MAF: variants seen among roughly 807,000 people sequenced by gnomAD.
MAF encodes the protein MAF bZIP transcription factor.
A neutral mutation model predicts 22.0 loss-of-function variants in MAF; 10 were observed. That is an observed-to-expected ratio of 0.45 (90% CI 0.28 to 0.77). The LOEUF (loss-of-function observed/expected upper bound fraction) is 0.77, where lower values mean the gene tolerates loss of function less well. Ranked by LOEUF, MAF falls within the 30% of genes least tolerant of loss-of-function variation. MAF has a pLI of 0.12. For synonymous variants in MAF, 337 were observed against 255.8 expected, an observed-to-expected ratio of 1.32 and a Z score of -3.03; for missense variants, 544 against 548.4, an observed-to-expected ratio of 0.99 and a Z score of 0.08.
chr16:79,564,602 C>T, the MAF span, among the ~76,000 whole-genome samples: 1 of 152,196 alleles, frequency 6.6e-6, no homozygotes, highest in East Asian at 1.9e-4. Flanking sequence ...CATGTGACAA[C>T]TCTCGGGGCA....
chr16:79,302,653 C>T, the MAF span, among the ~76,000 whole-genome samples: 2 of 152,228 alleles, frequency 1.3e-5, no homozygotes, highest in African/African-American at 2.4e-5. Context: ...ATGTTTTCAG[C>T]TGTAAACAGC....
chr16:79,502,254 T>C, the MAF span, among the ~76,000 whole-genome samples: 4 of 152,186 alleles, frequency 2.6e-5, no homozygotes, highest in Non-Finnish European at 5.9e-5. Context: ...ACAAGCCTGC[T>C]GGCCTCAGGT....
At chr16:79,212,890 C>G in the MAF span, 1 of 147,430 alleles carries the variant, frequency 6.8e-6, no homozygotes, top group Non-Finnish European at 1.5e-5. Context: ...GATTAGCATG[C>G]CAGCATATTT....
chr16:79,542,541 G>A, the MAF span, among the ~76,000 whole-genome samples: 2 of 152,152 alleles, frequency 1.3e-5, no homozygotes, highest in Non-Finnish European at 2.9e-5. Context: ...ATAACAAAAG[G>A]AAGCAGGGAA....
chr16:79,564,056 T>C, the MAF span, among the ~76,000 whole-genome samples: 2 of 152,226 alleles, frequency 1.3e-5, no homozygotes, highest in Non-Finnish European at 2.9e-5. Flanking sequence ...GTGGGATGCA[T>C]TTCAAGTGGA....
chr16:79,325,136 T>A, the MAF span, among the ~76,000 whole-genome samples: 1 of 152,168 alleles, frequency 6.6e-6, no homozygotes, highest in Non-Finnish European at 1.5e-5. Flanking sequence ...CCAAGACTCT[T>A]TTTACAAATA....
the MAF span, among the ~76,000 whole-genome samples, chr16:79,428,400 T>A: frequency 3.3e-5 from 5 of 152,194 alleles, no homozygotes; most frequent in Non-Finnish European, 5.9e-5. Context: ...AACACCCAGC[T>A]GTGTCAAGGA....
chr16:79,354,037 C>G, the MAF span, among the ~76,000 whole-genome samples: 1 of 151,950 alleles, frequency 6.6e-6, no homozygotes, highest in Admixed American at 6.6e-5. Context: ...CTCCCATCAC[C>G]CAGGCTGGAG....
chr16:79,479,027 G>C, the MAF span, among the ~76,000 whole-genome samples: 7 of 143,976 alleles, frequency 4.9e-5, no homozygotes, highest in Non-Finnish European at 9.1e-5. Context: ...CCACCCCAGC[G>C]TATATTTATA....
the MAF span, among the ~76,000 whole-genome samples, chr16:79,551,847 G>C: frequency 3.3e-5 from 5 of 152,134 alleles, no homozygotes; most frequent in Non-Finnish European, 7.4e-5. Flanking sequence ...AGCTGCAACA[G>C]AGACAGTATA....
At chr16:79,590,379 C>G (rs80182839), downstream of MAF, among the ~76,000 whole-genome samples, 3 of 152,184 alleles carry the variant, frequency 2.0e-5, no homozygotes, top group Non-Finnish European at 4.4e-5. Context: ...TGATGCTCCC[C>G]GGACCCTCTG....
At chr16:79,576,659 G>A in the MAF span, among the ~76,000 whole-genome samples, 7 of 151,938 alleles carry the variant, frequency 4.6e-5, no homozygotes, top group African/African-American at 7.3e-5. Context: ...ATATCATAAC[G>A]GCAAAGTGAT....
the MAF span, among the ~76,000 whole-genome samples, chr16:79,234,739 G>T: frequency 6.6e-6 from 1 of 152,062 alleles, no homozygotes. Flanking sequence ...ACCACCCCCA[G>T]CTGTGGACCC....
chr16:79,455,770 C>A, the MAF span, among the ~76,000 whole-genome samples: 1 of 152,184 alleles, frequency 6.6e-6, no homozygotes, highest in African/African-American at 2.4e-5. Flanking sequence ...GTAATCCCAA[C>A]ACTTTGGGGG....
chr16:79,254,899 G>A, the MAF span, among the ~76,000 whole-genome samples: 97 of 152,288 alleles, frequency 6.4e-4, no homozygotes, highest in African/African-American at 2.2e-3. Context: ...CTGATACATA[G>A]CAAAGCCTAA....
the MAF span, among the ~76,000 whole-genome samples, chr16:79,315,881 T>G: frequency 6.6e-6 from 1 of 152,222 alleles, no homozygotes; most frequent in Non-Finnish European, 1.5e-5. Flanking sequence ...GATCTGGAAA[T>G]GCATGCCTGG....
the MAF span, chr16:79,211,929 A>T: frequency 4.5e-6 from 7 of 1,538,844 alleles, no homozygotes; most frequent in African/African-American, 1.4e-5. Flanking sequence ...AGCAGTCACA[A>T]CAGAGTGAAA....
At chr16:79,266,266 T>C in the MAF span, among the ~76,000 whole-genome samples, 3 of 152,300 alleles carry the variant, frequency 2.0e-5, no homozygotes, top group African/African-American at 7.2e-5. Context: ...ACTTATAAAT[T>C]GTTTATGTCT....
At chr16:79,494,740 G>C in the MAF span, among the ~76,000 whole-genome samples, 1,981 of 152,216 alleles carry the variant, frequency 0.013, 42 homozygotes, top group African/African-American at 0.046. Context: ...ACCGCCTGGA[G>C]TTATGCAGAT....
Sources: allele counts gnomAD v4.1 joint callset (sites outside exome capture counted in the v4.1 genomes callset), GRCh38; gene constraint gnomAD v4.1.1; transcripts MANE v1.5; gene names NCBI Gene and HGNC (gene_info 2026-07-23, HGNC 2026-07-21).